The following BRAP variants were observed in gnomAD, a reference collection of about 807,000 sequenced individuals.
The protein encoded by BRAP is BRCA1-associated protein.
Under a neutral mutation model 73.4 loss-of-function variants are expected in BRAP, and 42 were observed. That is an observed-to-expected ratio of 0.57 (90% CI 0.45 to 0.74). The LOEUF (loss-of-function observed/expected upper bound fraction) is 0.74. Among genes scored for constraint, BRAP ranks in the 30% least tolerant of loss-of-function variants. BRAP has a pLI of 0.00. For synonymous variants in BRAP, 255 were observed against 267.4 expected, an observed-to-expected ratio of 0.95 and a Z score of 0.45; for missense variants, 593 against 751.4, an observed-to-expected ratio of 0.79 and a Z score of 2.46.
At chr12:111,674,274 G>A (rs1448131307) in intron 4 of BRAP, among the ~76,000 whole-genome samples, 1 of 150,836 alleles carries the variant, frequency 6.6e-6, no homozygotes, top group African/African-American at 2.4e-5. Flanking sequence ...ATGGTGTCTC[G>A]CTTTGTCACC....
chr12:111,677,871 A>AT (rs1171006307), intron 4 of BRAP, among the ~76,000 whole-genome samples: 1 of 152,222 alleles, frequency 6.6e-6, no homozygotes, highest in African/African-American at 2.4e-5. Context: ...AACAGAAAAC[A>AT]TAATAACTGT....
In BRAP at chr12:111,658,730, T is replaced by A; in HGVS notation, c.1221+6A>T. 6.5e-7 allele frequency: 1 copy of A among 1,538,438 alleles called. No individual in the cohort carries two copies. The highest frequency in any genetic ancestry group is 9.0e-7 in the Non-Finnish European group (1 of 1,112,260). On this transcript the variant is annotated splice_donor_region_variant and intron_variant, in intron 9 of 11. Transcript: ENST00000419234. ...AGATAGAGTGATAACTCATTAAATC[T>A]CTTACCTCTAACTGTAAGGCATCTA...
In BRAP at chr12:111,643,781, C is replaced by G; in HGVS notation, c.*418G>C. On this transcript the variant is annotated 3_prime_UTR_variant, in exon 12 of 12. Transcript: ENST00000419234. ...ACCTCTCTTTAAAGCAGCTGTTATG[C>G]CCTCAGAGAGGTTTGGTGCTTTAGT... 1 of 169,840 alleles carries G rather than the reference C, an allele frequency of 5.9e-6. No homozygotes were observed. Among genetic ancestry groups the G allele is most frequent in the Non-Finnish European group, 1.3e-5 (1 of 78,466 alleles). The allele number at this position is 169,840 out of a possible 1,614,324, so 10.5% of individuals were successfully genotyped here. A position where few individuals can be genotyped will look rare whatever the true frequency, so the allele number is the denominator to read the frequency against.
intron 4 of BRAP, among the ~76,000 whole-genome samples, chr12:111,676,551 T>C (rs1359392721): frequency 6.6e-6 from 1 of 152,210 alleles, no homozygotes; most frequent in Non-Finnish European, 1.5e-5. Context: ...GTGGCTGAGA[T>C]TACAGGCGTG....
intron 8 of BRAP, 108 bp from the exon 9 acceptor site, chr12:111,658,953 A>G (rs1053481359): frequency 1.2e-5 from 11 of 891,958 alleles, no homozygotes; most frequent in Admixed American, 2.9e-5. Context: ...ATGCCTTACA[A>G]TATTTCTTTA....
At chr12:111,655,443 AT>A (rs1261664907) in intron 10 of BRAP, 122 bp downstream of exon 10, 23 of 748,124 alleles carry the variant, frequency 3.1e-5, no homozygotes, top group Non-Finnish European at 4.2e-5. Context: ...TTCTCCACCT[AT>A]TACCTGCCTG....
intron 4 of BRAP, among the ~76,000 whole-genome samples, chr12:111,673,510 G>GAAAAAAAAAAAAAAAA (rs11350832): frequency 8.5e-6 from 1 of 118,160 alleles, no homozygotes; most frequent in African/African-American, 3.2e-5. Context: ...ATCTCAAAAA[G>GAAAAAAAAAAAAAAAA]AAAAAAAAAA....
In BRAP at chr12:111,643,877, C is replaced by T. The variant is rs924063640; in HGVS notation, c.*322G>A. On this transcript the variant is annotated 3_prime_UTR_variant, in exon 12 of 12. Transcript: ENST00000419234. ...TTAAACCTACCCCAGAACTGAATGT[C>T]AAATACGCCAACTCCATAAATACAA... 4 of 289,612 alleles carry T rather than the reference C, an allele frequency of 1.4e-5. No homozygotes were observed. Among genetic ancestry groups the T allele is most frequent in the African/African-American group, 8.6e-5 (4 of 46,536 alleles). The allele number at this position is 289,612 out of a possible 1,614,324, so 17.9% of individuals were successfully genotyped here. A position where few individuals can be genotyped will look rare whatever the true frequency, so the allele number is the denominator to read the frequency against.
intron 9 of BRAP, among the ~76,000 whole-genome samples, chr12:111,655,915 TAAG>T: frequency 6.6e-6 from 1 of 152,298 alleles, no homozygotes; most frequent in Non-Finnish European, 1.5e-5. Context: ...AAGCTGACTT[TAAG>T]AAGAACCACA....
intron 10 of BRAP, 133 bp from the exon 11 acceptor site, chr12:111,650,175 T>C: frequency 6.2e-6 from 3 of 485,750 alleles, no homozygotes; most frequent in East Asian, 6.8e-5. Flanking sequence ...AGGTGAGATA[T>C]GGCAGTTTCC....
At chr12:111,678,989 T>C (rs1887492833) in intron 4 of BRAP, among the ~76,000 whole-genome samples, 162 bp downstream of exon 4, 2 of 152,122 alleles carry the variant, frequency 1.3e-5, no homozygotes, top group Non-Finnish European at 2.9e-5. Context: ...ATTGTATTTC[T>C]GCTAATGAAT....
intron 10 of BRAP, among the ~76,000 whole-genome samples, chr12:111,654,170 C>T (rs1422158927): frequency 6.6e-6 from 1 of 152,172 alleles, no homozygotes; most frequent in East Asian, 1.9e-4. Context: ...GGAGGTGGTC[C>T]TCCCTGCACA....
At chr12:111,666,457 T>C (rs144859994) in intron 5 of BRAP, among the ~76,000 whole-genome samples, 4 of 152,282 alleles carry the variant, frequency 2.6e-5, no homozygotes, top group East Asian at 3.9e-4. Context: ...ATTGTACAGA[T>C]AGAGATTGAG....
intron 4 of BRAP, among the ~76,000 whole-genome samples, chr12:111,678,454 C>T (rs1429035073): frequency 6.7e-6 from 1 of 149,934 alleles, no homozygotes; most frequent in Non-Finnish European, 1.5e-5. Context: ...GTCAGGAGTT[C>T]GAGACCAGCC....
At chr12:111,646,343 C>A (rs950311941) in intron 11 of BRAP, among the ~76,000 whole-genome samples, 1 of 151,976 alleles carries the variant, frequency 6.6e-6, no homozygotes, top group African/African-American at 2.4e-5. Context: ...AACAAAAAAA[C>A]CCCACTATTT....
At position 111,660,581 on chromosome 12, in the gene BRAP, T is replaced by A; in HGVS notation, c.972+19A>T. 4.4e-6 allele frequency: 7 copies of A among 1,586,694 alleles called. No individual in the cohort carries two copies. The highest frequency in any genetic ancestry group is 6.0e-6 in the Non-Finnish European group (7 of 1,167,130). On this transcript the variant is annotated intron_variant, in intron 7 of 11. Transcript: ENST00000419234. ...ATTAAAGCTGCATTCTTTGTTCTTT[T>A]CCATCACCCATTACTTACTTCCTGA...
chr12:111,668,696 G>A (rs933287705), intron 5 of BRAP, among the ~76,000 whole-genome samples: 13 of 147,704 alleles, frequency 8.8e-5, no homozygotes, highest in African/African-American at 2.5e-4. Flanking sequence ...TCGCTCTGTC[G>A]CCCAGGCTGG....
intron 10 of BRAP, among the ~76,000 whole-genome samples, chr12:111,650,352 C>T (rs1421646455): frequency 6.6e-6 from 1 of 152,076 alleles, no homozygotes; most frequent in Non-Finnish European, 1.5e-5. Flanking sequence ...TGCAACCTCC[C>T]GCTCTTGGGT....
intron 10 of BRAP, among the ~76,000 whole-genome samples, chr12:111,650,698 T>C (rs779017364): frequency 4.6e-4 from 70 of 152,328 alleles, no homozygotes; most frequent in Middle Eastern, 6.8e-3. Context: ...TGACCTAATT[T>C]TTGTATTTTT....
Sources: allele counts gnomAD v4.1 joint callset (sites outside exome capture counted in the v4.1 genomes callset), GRCh38; gene constraint gnomAD v4.1.1; transcripts MANE v1.5; gene names NCBI Gene and HGNC (gene_info 2026-07-23, HGNC 2026-07-21).